ADAMTS17: variants seen among roughly 807,000 people sequenced by gnomAD.
ADAMTS17 encodes A disintegrin and metalloproteinase with thrombospondin motifs 17.
In ADAMTS17, 113 loss-of-function variants were observed where a neutral mutation model predicts 141.5. The ratio of observed to expected loss-of-function variants is 0.80; its 90% CI spans 0.69 to 0.93. The LOEUF (loss-of-function observed/expected upper bound fraction) is 0.93, where lower values mean the gene tolerates loss of function less well. Among genes scored for constraint, ADAMTS17 ranks in the 40% least tolerant of loss-of-function variants. The probability of loss-of-function intolerance (pLI) is 0.00; values close to 1 mark genes in which losing one functional copy is unlikely to be tolerated. For synonymous variants in ADAMTS17, 768 were observed against 630.6 expected, an observed-to-expected ratio of 1.22 and a Z score of -3.27; for missense variants, 1,659 against 1,517.9, an observed-to-expected ratio of 1.09 and a Z score of -1.54.
At chr15:100,179,056 G>C (rs374558902) in intron 8 of ADAMTS17, among the ~76,000 whole-genome samples, 1 of 152,186 alleles carries the variant, frequency 6.6e-6, no homozygotes, top group East Asian at 1.9e-4. Flanking sequence ...TTATATCAGG[G>C]CAAACGGGGT....
intron 19 of ADAMTS17, among the ~76,000 whole-genome samples, chr15:99,994,875 CG>C (rs2060768538): frequency 6.6e-6 from 1 of 152,212 alleles, no homozygotes; most frequent in African/African-American, 2.4e-5. Context: ...CTCTTTCTTA[CG>C]AATTCAATTC....
At chr15:100,300,985 C>G (rs2045012562) in intron 3 of ADAMTS17, among the ~76,000 whole-genome samples, 1 of 152,220 alleles carries the variant, frequency 6.6e-6, no homozygotes, top group Admixed American at 6.5e-5. Context: ...TCTTCCACCA[C>G]ACAGGAAGCT....
At chr15:100,067,714 C>T (rs2033642846) in intron 15 of ADAMTS17, among the ~76,000 whole-genome samples, 1 of 152,044 alleles carries the variant, frequency 6.6e-6, no homozygotes, top group South Asian at 2.1e-4. Context: ...TGGATTGTTT[C>T]CTACCTTTTA....
intron 3 of ADAMTS17, among the ~76,000 whole-genome samples, chr15:100,316,870 G>C (rs942359181): frequency 3.3e-5 from 5 of 152,206 alleles, no homozygotes; most frequent in African/African-American, 1.2e-4. Flanking sequence ...GGAAGTAGGG[G>C]CAGGCCCTGC....
intron 14 of ADAMTS17, among the ~76,000 whole-genome samples, chr15:100,108,470 G>A (rs1047342191): frequency 4.6e-5 from 7 of 152,108 alleles, no homozygotes; most frequent in East Asian, 1.9e-4. Context: ...CACCGCACCC[G>A]GCCTCTCTTT....
intron 15 of ADAMTS17, among the ~76,000 whole-genome samples, chr15:100,086,451 A>T (rs1567149772): frequency 6.6e-6 from 1 of 152,160 alleles, no homozygotes; most frequent in East Asian, 1.9e-4. Flanking sequence ...ACAGACAGTT[A>T]ACAAGGATAT....
chr15:100,278,480 C>T (rs1003468719), intron 4 of ADAMTS17, among the ~76,000 whole-genome samples: 1 of 152,168 alleles, frequency 6.6e-6, no homozygotes, highest in Non-Finnish European at 1.5e-5. Flanking sequence ...AGATCCCTGG[C>T]CCAGGTCCCA....
chr15:99,992,790 G>A (rs1488880008), intron 20 of ADAMTS17, among the ~76,000 whole-genome samples: 3 of 152,236 alleles, frequency 2.0e-5, no homozygotes, highest in Non-Finnish European at 4.4e-5. Context: ...GCTGCGTTTC[G>A]GGTTCCTTCT....
At chr15:100,168,096 C>T (rs752014936) in intron 8 of ADAMTS17, among the ~76,000 whole-genome samples, 3 of 152,200 alleles carry the variant, frequency 2.0e-5, no homozygotes, top group Non-Finnish European at 4.4e-5. Context: ...TTCAAGTCTG[C>T]GGCGGGCCTT....
At chr15:100,087,837 C>T (rs1041513574) in intron 15 of ADAMTS17, among the ~76,000 whole-genome samples, 3 of 152,162 alleles carry the variant, frequency 2.0e-5, no homozygotes, top group Non-Finnish European at 4.4e-5. Context: ...TGGGACGTAT[C>T]TCAAAATAAT....
At chr15:100,088,600 C>T (rs1156857669) in intron 15 of ADAMTS17, among the ~76,000 whole-genome samples, 2 of 151,958 alleles carry the variant, frequency 1.3e-5, no homozygotes, top group South Asian at 2.1e-4. Flanking sequence ...TACTACAAGG[C>T]TACAGTAACC....
rs555924522 is a variant in ADAMTS17, at chr15:99,997,811, T to C, written c.2592-222A>G. Among the ~76,000 whole-genome samples, 2 of 152,318 alleles carry C rather than the reference T, an allele frequency of 1.3e-5. No individual in the cohort carries two copies. The highest frequency in any genetic ancestry group is 4.8e-5 in the African/African-American group (2 of 41,564). On this transcript the variant is annotated intron_variant, in intron 18 of 21. Coordinates refer to ENST00000268070, the MANE Select transcript of ADAMTS17 (RefSeq NM_139057.4). The surrounding 1 kb of genome is among the most constrained non-coding windows in gnomAD (Gnocchi z 4.7). ...ATGGTCTCCTCAGCACAGACATCTT[T>C]CTGCAACCAACACCCCTACGGCAGA... is the stretch of plus-strand genomic sequence containing the variant.
chr15:100,180,041 T>C (rs142214247), intron 8 of ADAMTS17, among the ~76,000 whole-genome samples: 1 of 152,342 alleles, frequency 6.6e-6, no homozygotes, highest in African/African-American at 2.4e-5. Context: ...TGTGATCCCA[T>C]TTGTCCAATT....
chr15:100,282,170 T>G (rs373573608), intron 3 of ADAMTS17, among the ~76,000 whole-genome samples: 22 of 152,322 alleles, frequency 1.4e-4, no homozygotes, highest in African/African-American at 5.1e-4. Flanking sequence ...ACACAACAGG[T>G]TGATATGAAC....
intron 15 of ADAMTS17, among the ~76,000 whole-genome samples, chr15:100,082,614 A>G (rs1236030501): frequency 2.0e-5 from 3 of 151,662 alleles, no homozygotes; most frequent in Non-Finnish European, 4.4e-5. Flanking sequence ...TCTGATAGTC[A>G]TATTTTTAAT....
intron 4 of ADAMTS17, among the ~76,000 whole-genome samples, chr15:100,272,387 C>T (rs914311347): frequency 4.6e-5 from 7 of 151,952 alleles, no homozygotes; most frequent in African/African-American, 1.7e-4. Flanking sequence ...TGTTTTACAG[C>T]TTTCCATGTA....
intron 8 of ADAMTS17, among the ~76,000 whole-genome samples, chr15:100,180,944 T>C (rs1486587644): frequency 6.6e-6 from 1 of 152,158 alleles, no homozygotes; most frequent in East Asian, 1.9e-4. Context: ...AGAGACACTG[T>C]CCAAGAGCCA....
intron 10 of ADAMTS17, among the ~76,000 whole-genome samples, chr15:100,140,769 T>A (rs2038602774): frequency 6.6e-6 from 1 of 151,850 alleles, no homozygotes; most frequent in Non-Finnish European, 1.5e-5. Flanking sequence ...CCCAATTTCC[T>A]CTTCCCGCTT....
rs1000211796 is a variant in ADAMTS17, at chr15:99,997,359, T to C, written c.2796+26A>G. On this transcript the variant is annotated intron_variant, in intron 19 of 21. Transcript: ENST00000268070. The surrounding 1 kb of genome is among the most constrained non-coding windows in gnomAD (Gnocchi z 4.7). ...CCGTGTTGGAGTCCCTGTGGCTGAG[T>C]CCTGGTGGCAAGCCCAGGCACCCAC... is the stretch of plus-strand genomic sequence containing the variant. 1.2e-6 allele frequency: 2 copies of C among 1,612,878 alleles called. No homozygotes were observed. Among genetic ancestry groups the C allele is most frequent in the African/African-American group, 2.7e-5 (2 of 74,900 alleles).
Sources: allele counts gnomAD v4.1 joint callset (sites outside exome capture counted in the v4.1 genomes callset), GRCh38; gene constraint gnomAD v4.1.1; non-coding constraint Gnocchi (gnomAD v3.1); transcripts MANE v1.5; gene names NCBI Gene and HGNC (gene_info 2026-07-23, HGNC 2026-07-21).